The following SLC25A26 variants were observed in gnomAD, a reference collection of about 807,000 sequenced individuals.
SLC25A26 encodes the protein mitochondrial S-adenosylmethionine carrier protein.
In SLC25A26, 36 loss-of-function variants were observed where a neutral mutation model predicts 37.8. The observed-to-expected ratio is 0.95, with a 90% CI of 0.73 to 1.26. The LOEUF is 1.26. Ranked by LOEUF, SLC25A26 falls within the 50% of genes most tolerant of loss-of-function variation. The probability of loss-of-function intolerance (pLI) is 0.00; values close to 1 mark genes in which losing one functional copy is unlikely to be tolerated. For missense variants in SLC25A26, 390 were observed against 331.1 expected (o/e 1.18, Z -1.38); for synonymous variants, 129 against 122.5 (o/e 1.05, Z -0.35).
intron 1 of SLC25A26, among the ~76,000 whole-genome samples, chr3:66,164,921 G>C (rs2070405654): frequency 6.6e-6 from 1 of 152,170 alleles, no homozygotes; most frequent in African/African-American, 2.4e-5. Flanking sequence ...GCGATGACAA[G>C]GATGCATGGA....
intron 1 of SLC25A26, among the ~76,000 whole-genome samples, chr3:66,186,975 C>T (rs1472042650): frequency 1.3e-5 from 2 of 151,880 alleles, no homozygotes; most frequent in Admixed American, 1.3e-4. Context: ...CCCTGATTAT[C>T]ACCCTGACCT....
intron 1 of SLC25A26, among the ~76,000 whole-genome samples, chr3:66,186,584 A>T (rs1040224483): frequency 2.6e-5 from 4 of 151,930 alleles, no homozygotes; most frequent in Non-Finnish European, 5.9e-5. Context: ...CTGACCATAA[A>T]TTTGAACTTG....
At chr3:66,196,123 T>TAG (rs1449743743) in intron 1 of SLC25A26, among the ~76,000 whole-genome samples, 39,218 of 151,712 alleles carry the variant, frequency 0.26, 5,439 homozygotes, top group Admixed American at 0.38. Flanking sequence ...CATTAATTAC[T>TAG]ATCTTTAAGT....
Position 66,263,985 on chromosome 3 carries a change from A to G in SLC25A26, c.453+606A>G, listed in dbSNP as rs189328547. 7.9e-5 allele frequency among the ~76,000 whole-genome samples: 12 copies of G among 152,128 alleles called. No homozygotes were observed. The East Asian group carries it at 2.4e-3, about 30-fold the overall frequency. On this transcript the variant is annotated intron_variant, in intron 5 of 9. Transcript: ENST00000354883. ...CCGGCCTCTTATAGTTGAAGTATTA[A>G]GAAGTAACTTCGGGTCAGGCGTGGT...
intron 5 of SLC25A26, among the ~76,000 whole-genome samples, chr3:66,327,366 A>C (rs956980602): frequency 2.6e-5 from 4 of 152,330 alleles, no homozygotes; most frequent in African/African-American, 9.6e-5. Context: ...CCAGGATAAA[A>C]ACACAAGGCA....
chr3:66,153,702 C>T (rs1162968958), intron 1 of SLC25A26, among the ~76,000 whole-genome samples: 1 of 152,234 alleles, frequency 6.6e-6, no homozygotes, highest in Admixed American at 6.5e-5. Context: ...ATTTCAGGCA[C>T]CAGCAGTGGG....
chr3:66,257,636 C>T lies in SLC25A26; in HGVS notation c.301-4415C>T, dbSNP rs181129726. 2.0e-5 allele frequency among the ~76,000 whole-genome samples: 3 copies of T among 152,304 alleles called. No individual in the cohort carries two copies. In the South Asian group the frequency reaches 6.2e-4, roughly 32 times the overall value. ...TGTGGGGTCTTCATGTATTATTTCA[C>T]TTCTTTGCTAGATTATCAGCCTTTC... On this transcript the variant is annotated intron_variant, in intron 3 of 9. Transcript: ENST00000354883.
rs140631934 is a variant in SLC25A26, at chr3:66,144,053, A to G, written c.-354+10069A>G. 7.9e-4 allele frequency among the ~76,000 whole-genome samples: 121 copies of G among 152,260 alleles called. No individual in the cohort carries two copies. The East Asian group carries it at 0.014, about 18-fold the overall frequency. On this transcript the variant is annotated intron_variant, in intron 1 of 10. Coordinates refer to the SLC25A26 transcript ENST00000676754. The stretch of plus-strand genomic sequence containing the variant: ...AGATGTTAATCACACATGAATACAC[A>G]AAGTGGGGTAATATGATAGAGAACA...
intron 5 of SLC25A26, among the ~76,000 whole-genome samples, chr3:66,283,431 C>G (rs1257023771): frequency 6.6e-6 from 1 of 152,146 alleles, no homozygotes; most frequent in Non-Finnish European, 1.5e-5. Context: ...TAGACATGTA[C>G]CACCATACCT....
At chr3:66,253,786 G>T (rs985969884) in intron 3 of SLC25A26, among the ~76,000 whole-genome samples, 1 of 152,140 alleles carries the variant, frequency 6.6e-6, no homozygotes, top group Non-Finnish European at 1.5e-5. Context: ...CCTCCTCAAC[G>T]TTCAGATTTT....
intron 1 of SLC25A26, among the ~76,000 whole-genome samples, chr3:66,137,217 C>CTTTTTT (rs528438794): frequency 6.7e-5 from 8 of 118,848 alleles, no homozygotes; most frequent in South Asian, 2.9e-4. Flanking sequence ...GATTTTCTTT[C>CTTTTTT]TTTTTTTTTT....
At chr3:66,326,610 G>A (rs1418762961) in intron 5 of SLC25A26, among the ~76,000 whole-genome samples, 1 of 152,188 alleles carries the variant, frequency 6.6e-6, no homozygotes, top group Non-Finnish European at 1.5e-5. Context: ...ACAGATGGTT[G>A]GGTTCACCTC....
At chr3:66,176,169 T>C (rs1033532567) in intron 1 of SLC25A26, among the ~76,000 whole-genome samples, 3 of 152,252 alleles carry the variant, frequency 2.0e-5, no homozygotes, top group Admixed American at 1.3e-4. Flanking sequence ...GTTAGGGTAG[T>C]GTTTCATTGT....
chr3:66,229,310 T>C (rs972131686), intron 1 of SLC25A26, among the ~76,000 whole-genome samples: 1 of 152,176 alleles, frequency 6.6e-6, no homozygotes, highest in African/African-American at 2.4e-5. Context: ...AAACAAAGGC[T>C]TAGAGAGGTT....
chr3:66,261,963 C>G (rs916932101), intron 3 of SLC25A26, 88 bp from the exon 4 acceptor site: 6 of 728,416 alleles, frequency 8.2e-6, no homozygotes, highest in Non-Finnish European at 1.4e-5. Flanking sequence ...CATATTATAC[C>G]TTTTTACTAC....
At chr3:66,284,973 A>C (rs2074461691) in intron 5 of SLC25A26, among the ~76,000 whole-genome samples, 1 of 152,178 alleles carries the variant, frequency 6.6e-6, no homozygotes, top group Non-Finnish European at 1.5e-5. Context: ...TTTGGAGTAC[A>C]AACATGGGTA....
chr3:66,280,483 A>G (rs544852172), intron 5 of SLC25A26, among the ~76,000 whole-genome samples: 4 of 152,188 alleles, frequency 2.6e-5, no homozygotes, highest in Admixed American at 6.5e-5. Context: ...AATACCAGTG[A>G]GAAAGCTGAC....
chr3:66,163,599 T>G (rs529096254), intron 1 of SLC25A26, among the ~76,000 whole-genome samples: 1 of 152,312 alleles, frequency 6.6e-6, no homozygotes, highest in East Asian at 1.9e-4. Context: ...TACATTTCAA[T>G]TAGGACCAGA....
In SLC25A26 at chr3:66,236,683, TTG is replaced by T; in HGVS notation, c.174_175del (p.Ile58MetfsTer5). On this transcript the variant is annotated frameshift_variant, in exon 2 of 10. Transcript: ENST00000354883. LOFTEE classifies it high-confidence loss of function. Reference sequence around the variant, plus strand: ...TATGCTGGCGTTCCTTCTGCTGCTATTGGATCCTTTCCTAATGGTAAAAAATT... The same window carrying T: ...TATGCTGGCGTTCCTTCTGCTGCTATGATCCTTTCCTAATGGTAAAAAATT... 6.6e-7 allele frequency: 1 copy of T among 1,520,608 alleles called. No homozygotes were observed. Among genetic ancestry groups the T allele is most frequent in the Non-Finnish European group, 8.8e-7 (1 of 1,135,614 alleles). 94.2% of individuals were successfully genotyped at this position (1,520,608 alleles called of 1,614,324 possible).
Sources: gnomAD v4.1 joint callset for allele counts (sites outside exome capture counted in the v4.1 genomes callset) on GRCh38, gnomAD v4.1.1 for gene constraint, MANE v1.5 for transcripts, NCBI Gene and HGNC (gene_info 2026-07-23, HGNC 2026-07-21) for gene names.